The following TAF4 variants were observed in gnomAD, a reference collection of about 807,000 sequenced individuals.
The protein encoded by TAF4 is transcription initiation factor TFIID subunit 4.
In TAF4, 9 loss-of-function variants were observed where a neutral mutation model predicts 90.3. The observed-to-expected ratio is 0.10, with a 90% confidence interval of 0.06 to 0.17. The LOEUF (loss-of-function observed/expected upper bound fraction) is 0.17. TAF4 is among the 10% of genes least tolerant of loss of function. The pLI, the probability that TAF4 is intolerant of heterozygous loss-of-function variation, is 1.00. For synonymous variants in TAF4, 818 were observed against 638.9 expected, an observed-to-expected ratio of 1.28 and a Z score of -4.23; for missense variants, 1,351 against 1,370.7, an observed-to-expected ratio of 0.99 and a Z score of 0.23.
chr20:62,003,718 G>A lies in TAF4; in HGVS notation c.2371+13C>T, dbSNP rs372333817. On this transcript the variant is annotated intron_variant, in intron 8 of 14. Transcript: ENST00000252996. ...CTTGGTGTTGAGCGGCCAGGGGCCC[G>A]CGAGGCCCTCACCTGGCTGCAGTGG... The A allele has an allele frequency of 1.8e-5, 29 of 1,572,520 alleles. No individual in the cohort carries two copies. Among genetic ancestry groups the A allele is most frequent in the South Asian group, 2.3e-5 (2 of 87,372 alleles).
chr20:62,030,939 C>T (rs974294840), intron 1 of TAF4, among the ~76,000 whole-genome samples: 2 of 152,182 alleles, frequency 1.3e-5, no homozygotes, highest in South Asian at 2.1e-4. Context: ...ATTCACTTGC[C>T]CAACTGCACC....
Position 62,000,634 on chromosome 20 carries a change from T to G in TAF4, c.2574A>C (p.Glu858Asp). 6.2e-7 allele frequency: 1 copy of G among 1,614,274 alleles called. No individual in the cohort carries two copies. Among genetic ancestry groups the G allele is most frequent in the Non-Finnish European group, 8.5e-7 (1 of 1,180,048 alleles). ...AGGACCGCGTTAGCGTGCCCACCAA[T>G]TCAGAGTTCGTGGCTAATATTCTTG... ...ESARILATNS[E>D]LVGTLTRSCK... The change falls in exon 10 of 15, where the codon GAA becomes GAC. Residue 858 changes from glutamate to aspartate, a missense_variant. Physicochemically the swap from Glu to Asp is conservative, Grantham distance 45 (BLOSUM62 2). This residue lies in a region of TAF4 where 95 missense variants were observed against 151.3 expected (regional missense o/e 0.63). Transcript: ENST00000252996.
chr20:62,017,610 G>A (rs1241411829), intron 1 of TAF4, among the ~76,000 whole-genome samples: 2 of 152,214 alleles, frequency 1.3e-5, no homozygotes, highest in East Asian at 3.8e-4. Context: ...TCGTGCCGCT[G>A]CACTCCAGTC....
intron 1 of TAF4, chr20:62,037,587 G>A (rs2055940025): frequency 6.6e-6 from 1 of 151,944 alleles, no homozygotes; most frequent in Non-Finnish European, 1.5e-5. Context: ...ACCAGCCCTG[G>A]AAGTCCCACA....
At chr20:62,011,399 T>C (rs1425577054) in intron 3 of TAF4, among the ~76,000 whole-genome samples, 1 of 152,216 alleles carries the variant, frequency 6.6e-6, no homozygotes, top group Non-Finnish European at 1.5e-5. Context: ...GATATCCAGA[T>C]TGTGTCTGCC....
chr20:62,031,947 C>G (rs2055906872), intron 1 of TAF4, among the ~76,000 whole-genome samples: 1 of 152,020 alleles, frequency 6.6e-6, no homozygotes, highest in Non-Finnish European at 1.5e-5. Context: ...ACAAAAGTTC[C>G]AGATTCTTCT....
At chr20:61,985,945 A>AG (rs1568922317) in intron 14 of TAF4, among the ~76,000 whole-genome samples, 29 of 151,718 alleles carry the variant, frequency 1.9e-4, no homozygotes, top group South Asian at 2.1e-4. Flanking sequence ...GACCAAAGGA[A>AG]CCACCATCCC....
At chr20:62,039,564 T>C (rs1332138309) in intron 1 of TAF4, among the ~76,000 whole-genome samples, 1 of 152,230 alleles carries the variant, frequency 6.6e-6, no homozygotes, top group Non-Finnish European at 1.5e-5. Flanking sequence ...CTGGATTTAT[T>C]TAAGAAGGCA....
At chr20:61,984,089 G>A (rs1023389074) in intron 14 of TAF4, among the ~76,000 whole-genome samples, 6 of 152,300 alleles carry the variant, frequency 3.9e-5, no homozygotes, top group South Asian at 4.1e-4. Flanking sequence ...CATGCCTGCC[G>A]CAGAACAGGT....
At chr20:62,048,526 C>T (rs1216514269) in intron 1 of TAF4, among the ~76,000 whole-genome samples, 1 of 152,118 alleles carries the variant, frequency 6.6e-6, no homozygotes, top group African/African-American at 2.4e-5. Flanking sequence ...TCATGCAACA[C>T]AAACCCACTG....
At chr20:62,015,319 A>G (rs1054715893) in intron 1 of TAF4, among the ~76,000 whole-genome samples, 2 of 152,270 alleles carry the variant, frequency 1.3e-5, no homozygotes, top group African/African-American at 4.8e-5. Flanking sequence ...TTTGCCCGTC[A>G]TGGTTCTTGA....
rs1225788678 is a variant in TAF4 at position 61,995,731 on chromosome 20, C to T, written c.3090+1819G>A. The stretch of plus-strand genomic sequence containing the variant: ...ACAAAAAATTAGCCGGGCGCGGTGG[C>T]GGGCGCCTGTAGTCCCAGCTACTGG... On this transcript the variant is annotated intron_variant, in intron 14 of 14. Transcript: ENST00000252996. Among the ~76,000 whole-genome samples, 2 of 65,682 alleles carry T rather than the reference C, an allele frequency of 3.0e-5. 1 individual carries two copies. The highest frequency in any genetic ancestry group is 2.7e-4 in the Admixed American group (2 of 7,330). 43.1% of individuals were successfully genotyped at this position (65,682 alleles called of 152,430 possible).
intron 1 of TAF4, among the ~76,000 whole-genome samples, chr20:62,031,308 T>C (rs1472625332): frequency 6.6e-6 from 1 of 152,178 alleles, no homozygotes; most frequent in East Asian, 1.9e-4. Context: ...AGGCCCAGCA[T>C]GTGCAGAATC....
At chr20:62,043,813 C>T (rs1055502348) in intron 1 of TAF4, among the ~76,000 whole-genome samples, 9 of 152,226 alleles carry the variant, frequency 5.9e-5, no homozygotes, top group African/African-American at 2.2e-4. Context: ...CCACGATGCT[C>T]GCACAACGAT....
At chr20:62,000,408 C>T in intron 10 of TAF4, 144 bp downstream of exon 10, 3 of 1,395,430 alleles carry the variant, frequency 2.1e-6, no homozygotes, top group Non-Finnish European at 1.9e-6. Flanking sequence ...CCATATTTTA[C>T]CCAAGAACCA....
At chr20:62,057,109 T>C (rs1236315808) in intron 1 of TAF4, among the ~76,000 whole-genome samples, 1 of 152,202 alleles carries the variant, frequency 6.6e-6, no homozygotes, top group Non-Finnish European at 1.5e-5. Flanking sequence ...CACACTTTAC[T>C]GCAAAGTCAG....
intron 1 of TAF4, among the ~76,000 whole-genome samples, chr20:62,061,781 G>C (rs2056090051): frequency 6.6e-6 from 1 of 152,168 alleles, no homozygotes; most frequent in Non-Finnish European, 1.5e-5. Context: ...TTTTTCCTCA[G>C]TGAATAAAAT....
chr20:61,976,579 A>G (rs1029378087), intron 14 of TAF4, among the ~76,000 whole-genome samples: 3 of 152,214 alleles, frequency 2.0e-5, no homozygotes, highest in African/African-American at 7.2e-5. Flanking sequence ...CCAATGCCCC[A>G]CAGTGCTTGG....
intron 1 of TAF4, among the ~76,000 whole-genome samples, chr20:62,048,239 G>A (rs1348948510): frequency 6.6e-5 from 10 of 152,224 alleles, no homozygotes; most frequent in Non-Finnish European, 1.2e-4. Context: ...GCCTCTGGGA[G>A]TTCTGTTGTA....
Sources: gnomAD v4.1 joint callset for allele counts (sites outside exome capture counted in the v4.1 genomes callset) on GRCh38, gnomAD v4.1.1 for gene constraint, gnomAD v4.1.1 regional missense constraint, MANE v1.5 for transcripts, NCBI Gene and HGNC (gene_info 2026-07-23, HGNC 2026-07-21) for gene names.